The following AMPD3 variants were observed in gnomAD, a reference collection of about 807,000 sequenced individuals.
AMPD3 encodes AMP deaminase 3.
A neutral mutation model predicts 82.3 loss-of-function variants in AMPD3; 57 were observed. That is an observed-to-expected ratio of 0.69 (90% CI 0.56 to 0.86). AMPD3 has a LOEUF of 0.86. Ranked by LOEUF, AMPD3 falls within the 40% of genes least tolerant of loss-of-function variation. The pLI is 0.00. For synonymous variants in AMPD3, 381 were observed against 394.7 expected, an observed-to-expected ratio of 0.97 and a Z score of 0.41; for missense variants, 870 against 1,003.8, an observed-to-expected ratio of 0.87 and a Z score of 1.80.
chr11:10,473,424 A>G (rs1053499247), intron 2 of AMPD3: 1 of 985,248 alleles, frequency 1.0e-6, no homozygotes, highest in Non-Finnish European at 1.2e-6. Context: ...GGTGAGTGGC[A>G]GGAGATGAGT....
chr11:10,460,318 C>T (rs1050544253), intron 1 of AMPD3, among the ~76,000 whole-genome samples: 5 of 151,326 alleles, frequency 3.3e-5, no homozygotes, highest in Admixed American at 3.3e-4. Flanking sequence ...AGGCTGGTCT[C>T]AAACTTCTGG....
At chr11:10,476,184 C>G (rs1848730856) in intron 2 of AMPD3, among the ~76,000 whole-genome samples, 1 of 152,180 alleles carries the variant, frequency 6.6e-6, no homozygotes, top group Admixed American at 6.5e-5. Flanking sequence ...CCAGTTCTTC[C>G]AAGCTCAAGG....
At chr11:10,474,155 A>G (rs1276008936) in intron 2 of AMPD3, among the ~76,000 whole-genome samples, 1 of 152,210 alleles carries the variant, frequency 6.6e-6, no homozygotes, top group Non-Finnish European at 1.5e-5. Context: ...GTCTGGGTTC[A>G]TCTCAGCCAT....
intron 2 of AMPD3, among the ~76,000 whole-genome samples, chr11:10,469,766 G>A (rs1022028735): frequency 9.2e-5 from 14 of 152,300 alleles, no homozygotes; most frequent in East Asian, 5.8e-4. Flanking sequence ...TCGGCCGGGC[G>A]CGGTGGCTCA....
intron 2 of AMPD3, among the ~76,000 whole-genome samples, chr11:10,463,111 G>A (rs1387966878): frequency 6.6e-6 from 1 of 152,134 alleles, no homozygotes; most frequent in African/African-American, 2.4e-5. Flanking sequence ...AACATCAATA[G>A]TTGACATGGT....
chr11:10,500,531 G>T (rs1435209317), intron 11 of AMPD3: 1 of 881,492 alleles, frequency 1.1e-6, no homozygotes, highest in Non-Finnish European at 1.4e-6. Flanking sequence ...CAGTCCACAC[G>T]TGTCCACACA....
At chr11:10,460,066 T>TATATAATATATATAATATATATA (rs1848219469) in intron 1 of AMPD3, among the ~76,000 whole-genome samples, 1 of 143,980 alleles carries the variant, frequency 6.9e-6, no homozygotes, top group Non-Finnish European at 1.5e-5. Flanking sequence ...TAATATATAT[T>TATATAATATATATAATATATATA]ATATATAATA....
chr11:10,494,665 C>T (rs531483483), intron 7 of AMPD3: 3 of 985,432 alleles, frequency 3.0e-6, no homozygotes, highest in South Asian at 4.7e-5. Context: ...TGGTAACTTG[C>T]AGGTGGGGCC....
chr11:10,459,278 T>C (rs1463050810), intron 1 of AMPD3, among the ~76,000 whole-genome samples: 1 of 152,164 alleles, frequency 6.6e-6, no homozygotes, highest in Non-Finnish European at 1.5e-5. Flanking sequence ...GATTGCCTGT[T>C]GCTAGCCTGC....
intron 6 of AMPD3, among the ~76,000 whole-genome samples, chr11:10,488,996 G>A (rs1426969992): frequency 6.6e-6 from 1 of 152,186 alleles, no homozygotes; most frequent in African/African-American, 2.4e-5. Flanking sequence ...CACTTGGATG[G>A]GATCAAGAGC....
At chr11:10,505,264 G>GCTGTGCTC in intron 14 of AMPD3, 1 of 980,306 alleles carries the variant, frequency 1.0e-6, no homozygotes, top group African/African-American at 1.8e-5. Context: ...TGCATTAGGG[G>GCTGTGCTC]CTGTGCTCGT....
intron 2 of AMPD3, chr11:10,477,992 G>A (rs1294213128): frequency 2.0e-6 from 2 of 985,314 alleles, no homozygotes; most frequent in East Asian, 2.3e-4. Flanking sequence ...TGGATTCATT[G>A]AGCATCCCTC....
chr11:10,476,872 G>C, intron 2 of AMPD3: 1 of 975,054 alleles, frequency 1.0e-6, no homozygotes, highest in Non-Finnish European at 1.2e-6. Context: ...GCTGAGGCTG[G>C]GGGCTCCCAG....
At chr11:10,497,037 T>A in intron 10 of AMPD3, 99 bp downstream of exon 10, 2 of 1,470,724 alleles carry the variant, frequency 1.4e-6, no homozygotes, top group Non-Finnish European at 1.9e-6. Flanking sequence ...TTCACGATGG[T>A]ATCTTAGGTC....
chr11:10,487,351 A>T lies in AMPD3; in HGVS notation c.926A>T (p.Tyr309Phe), dbSNP rs770816391. ...ELKSNPHRDF[Y>F]NVRKVDTHIH... The stretch of plus-strand genomic sequence containing the variant: ...AAGAGTAACCCCCACCGGGACTTCT[A>T]TAACGTGAGAAAGGTGCGTTAGGGG... The change falls in exon 6 of 15, where the codon TAT becomes TTT. Residue 309 changes from tyrosine to phenylalanine, a missense_variant. Coordinates refer to ENST00000396553, the MANE Select transcript of AMPD3 (RefSeq NM_001025389.2). 1 of 1,614,118 alleles carries T rather than the reference A, an allele frequency of 6.2e-7. No homozygotes were observed. Among genetic ancestry groups the T allele is most frequent in the Non-Finnish European group, 8.5e-7 (1 of 1,180,002 alleles).
rs1849610296 is a variant in AMPD3 at position 10,502,615 on chromosome 11, A to AC, written c.1843-102dup. On this transcript the variant is annotated intron_variant, in intron 12 of 14. Transcript: ENST00000396553. ...GAGGACTTGGGCAGACATGGTTCAG[A>AC]CCCCTGGTTTCCACTGGTGAATGCT... 5 of 1,591,906 alleles carry AC rather than the reference A, an allele frequency of 3.1e-6. No individual in the cohort carries two copies. The Admixed American group carries it at 8.3e-5, about 27-fold the overall frequency.
intron 2 of AMPD3, chr11:10,477,180 A>C (rs1000704169): frequency 1.1e-6 from 1 of 916,954 alleles, no homozygotes; most frequent in Non-Finnish European, 1.3e-6. Flanking sequence ...TTGGGGATCA[A>C]CTGATTTCTT....
intron 9 of AMPD3, chr11:10,496,450 G>A (rs1564855083): frequency 7.1e-6 from 7 of 985,396 alleles, no homozygotes; most frequent in East Asian, 1.1e-4. Context: ...AGGATGGGCT[G>A]GGGTATGTGG....
In AMPD3 at chr11:10,486,350, T is replaced by C. The variant is rs1023234616; in HGVS notation, c.810-885T>C. Among the ~76,000 whole-genome samples the C allele has an allele frequency of 3.9e-5, 6 of 152,262 alleles. No homozygotes were observed. The East Asian group carries it at 5.8e-4, about 15-fold the overall frequency. ...GATGCCAAGGAAGCTGCTGTTTGTT[T>C]TGGGGGCCTGAGGAAGCAGGGTAGC... On this transcript the variant is annotated intron_variant, in intron 5 of 14. Transcript: ENST00000396553.
Sources: gnomAD v4.1 joint callset for allele counts (sites outside exome capture counted in the v4.1 genomes callset) on GRCh38, gnomAD v4.1.1 for gene constraint, MANE v1.5 for transcripts, NCBI Gene and HGNC (gene_info 2026-07-23, HGNC 2026-07-21) for gene names.